CCDC171: variants seen among roughly 807,000 people sequenced by gnomAD.
CCDC171 encodes coiled-coil domain-containing protein 171.
CCDC171 carries 177 observed loss-of-function variants against 168.2 expected under a neutral mutation model. The ratio of observed to expected loss-of-function variants is 1.05; its 90% CI spans 0.93 to 1.19. CCDC171 has a LOEUF of 1.19. CCDC171 is among the 50% of genes most tolerant of loss of function. The pLI is 0.00. For missense variants in CCDC171, 1,991 were observed against 1,539.0 expected (o/e 1.29, Z -4.91); for synonymous variants, 687 against 540.8 (o/e 1.27, Z -3.75).
At chr9:15,767,040 T>C (rs1256293619) in intron 18 of CCDC171, among the ~76,000 whole-genome samples, 1 of 152,224 alleles carries the variant, frequency 6.6e-6, no homozygotes, top group Non-Finnish European at 1.5e-5. Context: ...AGGAATGATA[T>C]GCTTTACAAC....
At position 15,815,600 on chromosome 9, in the gene CCDC171, A is replaced by T. The variant is rs1392515456; in HGVS notation, c.3267+30906A>T. 1.7e-5 allele frequency among the ~76,000 whole-genome samples: 2 copies of T among 115,350 alleles called. 1 individual carries two copies. Among genetic ancestry groups the T allele is most frequent in the Non-Finnish European group, 3.9e-5 (2 of 51,816 alleles). The allele number at this position is 115,350 out of a possible 152,430, so 75.7% of individuals were successfully genotyped here. ...CCTACTCTGAGGGTACAGAATGAAA[A>T]TGTTGCATAAAGTAATATAATCACT... On this transcript the variant is annotated intron_variant, in intron 21 of 25. Coordinates refer to ENST00000380701, the MANE Select transcript of CCDC171 (RefSeq NM_173550.4).
chr9:15,632,752 T>C (rs557672104), intron 7 of CCDC171, among the ~76,000 whole-genome samples: 76 of 152,244 alleles, frequency 5.0e-4, no homozygotes, highest in Middle Eastern at 3.4e-3. Context: ...GGAGACATCA[T>C]GCTACCTGAC....
At position 15,740,495 on chromosome 9, in the gene CCDC171, T is replaced by C. The variant is rs535330589; in HGVS notation, c.2050-3778T>C. ...TGTCACCCAAGCTAGAGTGCAGTGG[T>C]GTGATCTTGGGTTGCTGCAACCTCT... On this transcript the variant is annotated intron_variant, in intron 16 of 25. Coordinates refer to ENST00000380701, the MANE Select transcript of CCDC171 (RefSeq NM_173550.4). Among the ~76,000 whole-genome samples, 9 of 152,034 alleles carry C rather than the reference T, an allele frequency of 5.9e-5. No homozygotes were observed. In the South Asian group the frequency reaches 1.9e-3, roughly 32 times the overall value.
At chr9:15,640,804 C>G (rs754694426) in intron 7 of CCDC171, among the ~76,000 whole-genome samples, 5 of 152,012 alleles carry the variant, frequency 3.3e-5, no homozygotes, top group African/African-American at 4.8e-5. Context: ...GCCTGTTTTA[C>G]AAATACTTAT....
chr9:15,602,632 C>CTTTTTTTTTTTTTT (rs1050799184), intron 6 of CCDC171, among the ~76,000 whole-genome samples: 7 of 31,030 alleles, frequency 2.3e-4, no homozygotes, highest in African/African-American at 4.8e-4. Flanking sequence ...TTTCTCATTT[C>CTTTTTTTTTTTTTT]TTTTTTTTTT....
chr9:16,060,323 C>T (rs1176030469), intron 1 of CCDC171, among the ~76,000 whole-genome samples: 2 of 152,166 alleles, frequency 1.3e-5, no homozygotes, highest in African/African-American at 4.8e-5. Context: ...GGAGCGATGA[C>T]CGTGAGGGTC....
At chr9:15,718,229 C>G (rs893518396) in intron 11 of CCDC171, among the ~76,000 whole-genome samples, 3 of 152,176 alleles carry the variant, frequency 2.0e-5, no homozygotes, top group African/African-American at 7.2e-5. Context: ...CAGTGGTGGC[C>G]AGGGGGAGAG....
chr9:16,096,679 G>A, the CCDC171 span, among the ~76,000 whole-genome samples: 1 of 152,196 alleles, frequency 6.6e-6, no homozygotes, highest in Non-Finnish European at 1.5e-5. Flanking sequence ...CCTCTGTTCA[G>A]TGGGGTGTTT....
intron 22 of CCDC171, among the ~76,000 whole-genome samples, chr9:15,847,618 A>C (rs1362189804): frequency 6.6e-6 from 1 of 152,086 alleles, no homozygotes; most frequent in Non-Finnish European, 1.5e-5. Flanking sequence ...AGAAACATCT[A>C]ATTTTGATAA....
intron 3 of CCDC171, among the ~76,000 whole-genome samples, chr9:15,573,163 A>T (rs894262539): frequency 6.6e-6 from 1 of 152,046 alleles, no homozygotes; most frequent in Admixed American, 6.6e-5. Flanking sequence ...TGAAAAGATG[A>T]TTTTTTTCAG....
chr9:15,861,830 T>C (rs1246100015), intron 23 of CCDC171, among the ~76,000 whole-genome samples: 3 of 152,044 alleles, frequency 2.0e-5, no homozygotes, highest in Non-Finnish European at 4.4e-5. Flanking sequence ...TATTTACCTT[T>C]GTGTTCTATA....
intron 1 of CCDC171, among the ~76,000 whole-genome samples, chr9:15,560,391 C>G (rs1046668084): frequency 1.3e-5 from 2 of 152,192 alleles, no homozygotes; most frequent in African/African-American, 4.8e-5. Flanking sequence ...GGTCTTTTCA[C>G]ATAGTCCTGT....
chr9:15,779,453 G>A (rs550737064), intron 20 of CCDC171, among the ~76,000 whole-genome samples: 3 of 152,070 alleles, frequency 2.0e-5, no homozygotes, highest in African/African-American at 7.2e-5. Flanking sequence ...TCTGCCCCCC[G>A]GGTTCAAGTG....
chr9:16,069,553 G>A, the CCDC171 span, among the ~76,000 whole-genome samples: 1 of 152,242 alleles, frequency 6.6e-6, no homozygotes, highest in African/African-American at 2.4e-5. Context: ...ATTGGCTAAC[G>A]CTCGGGGCAC....
chr9:15,991,154 A>G (rs1019962495), intron 3 of CCDC171, among the ~76,000 whole-genome samples: 5 of 152,232 alleles, frequency 3.3e-5, no homozygotes, highest in Non-Finnish European at 4.4e-5. Context: ...CACTTATTCC[A>G]AAATTGACCA....
rs77362624 is a variant in CCDC171, at chr9:15,952,136, G to A, written c.3754-19473G>A. Among the ~76,000 whole-genome samples, 13 of 152,150 alleles carry A rather than the reference G, an allele frequency of 8.5e-5. No individual in the cohort carries two copies. In the East Asian group the frequency reaches 1.9e-3, roughly 23 times the overall value. On this transcript the variant is annotated intron_variant, in intron 25 of 25. Coordinates refer to ENST00000380701, the MANE Select transcript of CCDC171 (RefSeq NM_173550.4). ...TCCTAGCACTGTTTGTTGAAAAGAC[G>A]TATTTTTTCCCCATTAAATGGTGTT...
the CCDC171 span, among the ~76,000 whole-genome samples, chr9:16,072,142 A>C: frequency 1.3e-5 from 2 of 152,234 alleles, no homozygotes; most frequent in East Asian, 3.8e-4. Context: ...TGCAAAGCTC[A>C]TATGAATTTT....
At chr9:15,591,332 G>T (rs754171361) in intron 4 of CCDC171, 34 bp from the exon 5 acceptor site, 208 of 1,352,092 alleles carry the variant, frequency 1.5e-4, no homozygotes, top group Middle Eastern at 3.7e-4. Context: ...TTAATTCATG[G>T]TTGTAAATGT....
chr9:15,618,857 G>T (rs1296794972), intron 6 of CCDC171, among the ~76,000 whole-genome samples: 2 of 151,738 alleles, frequency 1.3e-5, no homozygotes. Context: ...ACCAGTCCCA[G>T]TGAGATGAAC....
Sources: gnomAD v4.1 joint callset for allele counts (sites outside exome capture counted in the v4.1 genomes callset) on GRCh38, gnomAD v4.1.1 for gene constraint, MANE v1.5 for transcripts, NCBI Gene and HGNC (gene_info 2026-07-23, HGNC 2026-07-21) for gene names.